The following OCEL1 variants were observed in gnomAD, a reference collection of about 807,000 sequenced individuals.
OCEL1 encodes the protein occludin/ELL domain containing 1, also known as occludin/ELL domain-containing protein 1.
In OCEL1, 24 loss-of-function variants were observed where a neutral mutation model predicts 29.4. The observed-to-expected ratio is 0.82, with a 90% CI of 0.59 to 1.15. OCEL1 has a LOEUF of 1.15. Ranked by LOEUF, OCEL1 falls within the 50% of genes most tolerant of loss-of-function variation. The pLI is 0.00. For missense variants in OCEL1, 402 were observed against 352.5 expected, an observed-to-expected ratio of 1.14 and a Z score of -1.13; for synonymous variants, 172 against 145.3, an observed-to-expected ratio of 1.18 and a Z score of -1.32.
chr19:17,228,036 A>G, intron 4 of OCEL1, 31 bp downstream of exon 4: 1 of 1,607,364 alleles, frequency 6.2e-7, no homozygotes, highest in Non-Finnish European at 8.5e-7. Flanking sequence ...CCTGCCCCGC[A>G]GCCCTTCTGA....
Position 17,226,831 on chromosome 19 carries a change from G to C in OCEL1, c.208G>C (p.Gly70Arg), listed in dbSNP as rs746430157. Residue 70 changes from glycine to arginine, a missense_variant, in exon 2 of 6, where the codon GGG becomes CGG. Transcript: ENST00000215061. ...GCCCCCAAAGACTCGCGGCTCCCGG[G>C]GGCACCTGCATACTCACCCGCCTGG... ...REPPKTRGSR[G>R]HLHTHPPGPG... 7.6e-6 allele frequency: 12 copies of C among 1,578,264 alleles called. No homozygotes were observed. In the South Asian group the frequency reaches 1.4e-4, roughly 18 times the overall value.
chr19:17,227,179 C>T lies in OCEL1; in HGVS notation c.432C>T (p.His144=). 6.6e-7 allele frequency: 1 copy of T among 1,517,564 alleles called. No individual in the cohort carries two copies. Among genetic ancestry groups the T allele is most frequent in the Non-Finnish European group, 8.8e-7 (1 of 1,137,442 alleles). The allele number at this position is 1,517,564 out of a possible 1,614,324, so 94.0% of individuals were successfully genotyped here. A position where few individuals can be genotyped will look rare whatever the true frequency, so the allele number is the denominator to read the frequency against. Residue 144 remains histidine (H), a synonymous_variant, in exon 3 of 6, where the codon CAC becomes CAT. Coordinates refer to ENST00000215061, the MANE Select transcript of OCEL1 (RefSeq NM_024578.3). ...CTAAGGGGCATAAGCCTAGGCCCCA[C>T]CCAGTGCCCGACTATGAGCTGTGAG... The part of the protein sequence containing the change: ...AIPKGHKPRP[H]PVPDYELKYP...
At chr19:17,228,545 T>C (rs2145558163) in intron 5 of OCEL1, 1 of 603,078 alleles carries the variant, frequency 1.7e-6, no homozygotes, top group Middle Eastern at 4.5e-4. Context: ...GGCAAATTTT[T>C]GTATTTGTAG....
At position 17,227,907 on chromosome 19, in the gene OCEL1, GGA is replaced by G. The variant is rs937448812; in HGVS notation, c.524_525del (p.Glu175ValfsTer45). 1.4e-5 allele frequency: 22 copies of G among 1,613,704 alleles called. No homozygotes were observed. The highest frequency in any genetic ancestry group is 1.5e-5 in the Non-Finnish European group (18 of 1,180,026). On this transcript the variant is annotated frameshift_variant, in exon 4 of 6. Coordinates refer to ENST00000215061, the MANE Select transcript of OCEL1 (RefSeq NM_024578.3). LOFTEE classifies it high-confidence loss of function. ...TGTCGCAGTGTTCCAGGACCAGTAC[GGA>G]GAGTTCTTGGAGCTCCAGCACGAGG... ...RYVAVFQDQY[G>X]EFLELQHEVG...
Position 17,226,230 on chromosome 19 carries a change from G to C in OCEL1, c.-18G>C, listed in dbSNP as rs919946346. On this transcript the variant is annotated 5_prime_UTR_variant, in exon 1 of 6. Transcript: ENST00000215061. The stretch of plus-strand genomic sequence containing the variant: ...GCCCTGCTGAGCGACCCCGCCAGTC[G>C]GGTCCATCCTGCAGTAAATGCACAA... 27 of 1,598,742 alleles carry C rather than the reference G, an allele frequency of 1.7e-5. No individual in the cohort carries two copies. Among genetic ancestry groups the C allele is most frequent in the Non-Finnish European group, 2.1e-5 (25 of 1,173,002 alleles).
At chr19:17,226,475 G>A (rs892210889) in intron 1 of OCEL1, 159 bp downstream of exon 1, 1 of 971,652 alleles carries the variant, frequency 1.0e-6, no homozygotes, top group Non-Finnish European at 1.5e-6. Context: ...GCGCGGCGAC[G>A]TCAGAGTTCA....
At chr19:17,226,901 G>A in intron 2 of OCEL1, 32 bp downstream of exon 2, 1 of 1,511,428 alleles carries the variant, frequency 6.6e-7, no homozygotes, top group South Asian at 1.3e-5. Context: ...TCCCCAGGCC[G>A]GGCCTCTAGG....
chr19:17,226,284 G>A lies in OCEL1; in HGVS notation c.37G>A (p.Asp13Asn), dbSNP rs372142094. Residue 13 changes from aspartate to asparagine, a missense_variant, in exon 1 of 6, where the codon GAT becomes AAT. Transcript: ENST00000215061. ...GGACGGAAGTGCCTCTCCGACAGCA[G>A]ATCCAGGCTCGGAGCTCCAGACGCT... is the stretch of plus-strand genomic sequence containing the variant. Reference protein sequence around the residue: ...NPDGSASPTADPGSELQTLGQ... With the variant: ...NPDGSASPTANPGSELQTLGQ... 1 of 1,612,438 alleles carries A rather than the reference G, an allele frequency of 6.2e-7. No homozygotes were observed. The highest frequency in any genetic ancestry group is 1.3e-5 in the African/African-American group (1 of 74,916).
intron 3 of OCEL1, 115 bp downstream of exon 3, chr19:17,227,314 C>A: frequency 1.0e-6 from 1 of 977,470 alleles, no homozygotes; most frequent in Non-Finnish European, 1.4e-6. Context: ...GGATCCCTTG[C>A]TGATCAGTAG....
chr19:17,227,197 G>A lies in OCEL1; in HGVS notation c.450G>A (p.Glu150=). The A allele has an allele frequency of 2.0e-6, 3 of 1,488,924 alleles. No homozygotes were observed. The highest frequency in any genetic ancestry group is 8.9e-7 in the Non-Finnish European group (1 of 1,122,980). 92.2% of individuals were successfully genotyped at this position (1,488,924 alleles called of 1,614,324 possible). Residue 150 remains glutamate (E), a splice_region_variant and synonymous_variant, in exon 3 of 6, where the codon GAG becomes GAA. Coordinates refer to ENST00000215061, the MANE Select transcript of OCEL1 (RefSeq NM_024578.3). ...KPRPHPVPDY[E]LKYPPVSSER... ...GGCCCCACCCAGTGCCCGACTATGA[G>A]CTGTGAGTGTCCCCCATGTGATTCT...
chr19:17,227,818 C>T (rs200270648), intron 3 of OCEL1, 22 bp from the exon 4 acceptor site: 195 of 1,612,018 alleles, frequency 1.2e-4, no homozygotes, highest in Non-Finnish European at 1.6e-4. Flanking sequence ...CACTCACACT[C>T]TGACCCTCTT....
intron 5 of OCEL1, 53 bp downstream of exon 5, chr19:17,228,362 C>A: frequency 6.5e-7 from 1 of 1,544,946 alleles, no homozygotes; most frequent in Non-Finnish European, 8.8e-7. Context: ...TTCTGTGAGG[C>A]TGGGGTGCCT....
At position 17,226,243 on chromosome 19, in the gene OCEL1, A is replaced by C. The variant is rs540128915; in HGVS notation, c.-5A>C. 1.2e-6 allele frequency: 2 copies of C among 1,607,926 alleles called. No homozygotes were observed. Among genetic ancestry groups the C allele is most frequent in the African/African-American group, 2.7e-5 (2 of 74,848 alleles). On this transcript the variant is annotated 5_prime_UTR_variant, in exon 1 of 6. Coordinates refer to ENST00000215061, the MANE Select transcript of OCEL1 (RefSeq NM_024578.3). ...ACCCCGCCAGTCGGGTCCATCCTGC[A>C]GTAAATGCACAACCCGGACGGAAGT...
In OCEL1 at chr19:17,226,435, G is replaced by C; in HGVS notation, c.69+119G>C. On this transcript the variant is annotated intron_variant, in intron 1 of 5. Transcript: ENST00000215061. The stretch of plus-strand genomic sequence containing the variant: ...CCCTGGAGGTCGAGGCTCCGGCAGC[G>C]CGGGGGTTAACTCGAGCCGGTCCCA... 2.4e-6 allele frequency: 3 copies of C among 1,241,772 alleles called. No homozygotes were observed. In the South Asian group the frequency reaches 4.0e-5, roughly 17 times the overall value. 76.9% of individuals were successfully genotyped at this position (1,241,772 alleles called of 1,614,324 possible). A position where few individuals can be genotyped will look rare whatever the true frequency, so the allele number is the denominator to read the frequency against.
At chr19:17,227,432 T>C (rs929688694) in intron 3 of OCEL1, among the ~76,000 whole-genome samples, 2 of 152,024 alleles carry the variant, frequency 1.3e-5, no homozygotes, top group African/African-American at 4.8e-5. Flanking sequence ...GGCTCATGCC[T>C]GTAATCCCAG....
rs1034117931 is a variant in OCEL1 at position 17,227,012 on chromosome 19, C to A, written c.265C>A (p.Arg89=). ...PGPPLQGLAP[R]GLKTSAPRPP... ...GTGGCAGCTGCAGGGACTGGCGCCC[C>A]GAGGCCTCAAAACCAGCGCCCCCCG... is the stretch of plus-strand genomic sequence containing the variant. The change falls in exon 3 of 6, where the codon CGA becomes AGA. Residue 89 remains arginine (R), a synonymous_variant. Coordinates refer to ENST00000215061, the MANE Select transcript of OCEL1 (RefSeq NM_024578.3). The A allele has an allele frequency of 6.3e-7, 1 of 1,589,238 alleles. No homozygotes were observed.
chr19:17,227,109 T>C lies in OCEL1; in HGVS notation c.362T>C (p.Leu121Pro), dbSNP rs1445418949. The change falls in exon 3 of 6, where the codon CTC becomes CCC. Residue 121 changes from leucine (L) to proline (P), a missense_variant. Leu to Pro is a moderately conservative substitution (Grantham distance 98). Coordinates refer to ENST00000215061, the MANE Select transcript of OCEL1 (RefSeq NM_024578.3). Reference protein sequence around the residue: ...TKKIVFEDELLSQALLGAKKP... With the variant: ...TKKIVFEDELPSQALLGAKKP... Reference sequence around the variant, plus strand: ...AAGATTGTGTTTGAGGATGAGTTGCTCTCCCAGGCCCTCCTGGGCGCCAAG... The same window carrying C: ...AAGATTGTGTTTGAGGATGAGTTGCCCTCCCAGGCCCTCCTGGGCGCCAAG... 1.9e-6 allele frequency: 3 copies of C among 1,606,956 alleles called. No homozygotes were observed. Among genetic ancestry groups the C allele is most frequent in the Non-Finnish European group, 2.5e-6 (3 of 1,178,446 alleles).
In OCEL1 at chr19:17,228,253, CAGA is replaced by C. The variant is rs777033417; in HGVS notation, c.619_621del (p.Lys207del). ...AACCCCCTTTCTACTCCTCCCCTTGCAGAAGGAGGCCCAAGTTGCAGCCCGGGT... is the reference window on the plus strand; with the variant it reads ...AACCCCCTTTCTACTCCTCCCCTTGCAGGAGGCCCAAGTTGCAGCCCGGGT... On this transcript the variant is annotated splice_acceptor_variant and coding_sequence_variant, in exon 5 of 6. Transcript: ENST00000215061. LOFTEE classifies it high-confidence loss of function. The C allele has an allele frequency of 8.1e-6, 13 of 1,614,002 alleles. No individual in the cohort carries two copies. The highest frequency in any genetic ancestry group is 1.6e-4 in the Middle Eastern group (1 of 6,078).
In OCEL1 at chr19:17,226,978, A is replaced by G; in HGVS notation, c.247-16A>G. 4.5e-6 allele frequency: 7 copies of G among 1,567,548 alleles called. No individual in the cohort carries two copies. The highest frequency in any genetic ancestry group is 6.0e-6 in the Non-Finnish European group (7 of 1,162,470). ...CGACACCCCGATTTAACTCCAGACC[A>G]CGATTCCTGTGGCAGCTGCAGGGAC... On this transcript the variant is annotated splice_polypyrimidine_tract_variant and intron_variant, in intron 2 of 5. Coordinates refer to ENST00000215061, the MANE Select transcript of OCEL1 (RefSeq NM_024578.3).
Sources: allele counts gnomAD v4.1 joint callset (sites outside exome capture counted in the v4.1 genomes callset), GRCh38; gene constraint gnomAD v4.1.1; transcripts MANE v1.5; gene names NCBI Gene and HGNC (gene_info 2026-07-23, HGNC 2026-07-21).